Variants in SPATA17 observed in about 807,000 individuals in gnomAD.
SPATA17 encodes spermatogenesis associated 17.
SPATA17 carries 53 observed loss-of-function variants against 62.2 expected under a neutral mutation model. That is an observed-to-expected ratio of 0.85 (90% CI 0.68 to 1.07). SPATA17 has a LOEUF of 1.07. Among genes scored for constraint, SPATA17 ranks in the 50% least tolerant of loss-of-function variants. The probability of loss-of-function intolerance (pLI) is 0.00; values close to 1 mark genes in which losing one functional copy is unlikely to be tolerated. For synonymous variants in SPATA17, 146 were observed against 146.8 expected (o/e 0.99, Z 0.04); for missense variants, 466 against 425.5 (o/e 1.10, Z -0.84).
chr1:217,839,968 G>C (rs1278943675), intron 9 of SPATA17, among the ~76,000 whole-genome samples: 2 of 151,712 alleles, frequency 1.3e-5, no homozygotes, highest in Non-Finnish European at 2.9e-5. Context: ...TAAACCTGAA[G>C]TGCAACTCGG....
intron 7 of SPATA17, among the ~76,000 whole-genome samples, chr1:217,776,017 T>C (rs2102973056): frequency 6.6e-6 from 1 of 152,314 alleles, no homozygotes; most frequent in Non-Finnish European, 1.5e-5. Flanking sequence ...GAATTTAACC[T>C]CTCATTTGAT....
chr1:217,770,265 G>T (rs116217519), intron 6 of SPATA17, among the ~76,000 whole-genome samples: 2,682 of 152,264 alleles, frequency 0.018, 88 homozygotes, highest in African/African-American at 0.061. Context: ...CAAGAGGCAA[G>T]AAAATAGTTT....
chr1:217,861,717 C>A (rs1675901271), intron 9 of SPATA17, among the ~76,000 whole-genome samples: 1 of 152,120 alleles, frequency 6.6e-6, no homozygotes, highest in Non-Finnish European at 1.5e-5. Context: ...GGATTTCATT[C>A]ATATTAATTA....
chr1:217,688,777 T>A (rs1375758091), intron 5 of SPATA17, among the ~76,000 whole-genome samples: 2 of 152,186 alleles, frequency 1.3e-5, no homozygotes, highest in East Asian at 3.8e-4. Context: ...ATGCCTTCTG[T>A]CTTATGGTAT....
intron 1 of SPATA17, among the ~76,000 whole-genome samples, chr1:217,644,603 T>G (rs1484259613): frequency 2.0e-5 from 3 of 152,136 alleles, no homozygotes; most frequent in Non-Finnish European, 4.4e-5. Flanking sequence ...GCATATTTTT[T>G]GCATATTACT....
rs931551904 is a variant in SPATA17, at chr1:217,871,188, T to A, written c.*4169T>A. On this transcript the variant is annotated 3_prime_UTR_variant, in exon 11 of 11. Transcript: ENST00000366933. Reference sequence around the variant, plus strand: ...TAAATAATCTTTCATATCTGTAAACTTTGGTATAATTGGTTATTTATGCAA... The same window carrying A: ...TAAATAATCTTTCATATCTGTAAACATTGGTATAATTGGTTATTTATGCAA... 6.6e-6 allele frequency: 1 copy of A among 152,160 alleles called. No homozygotes were observed. Among genetic ancestry groups the A allele is most frequent in the Non-Finnish European group, 1.5e-5 (1 of 68,030 alleles). The allele number at this position is 152,160 out of a possible 1,614,324, so 9.4% of individuals were successfully genotyped here. A position where few individuals can be genotyped will look rare whatever the true frequency, so the allele number is the denominator to read the frequency against.
intron 7 of SPATA17, among the ~76,000 whole-genome samples, chr1:217,776,031 A>G (rs959675022): frequency 3.9e-5 from 6 of 152,272 alleles, no homozygotes; most frequent in East Asian, 1.9e-4. Flanking sequence ...ATTTGATGCT[A>G]TATGTCTTTA....
In SPATA17 at chr1:217,768,172, G is replaced by A. The variant is rs577646652; in HGVS notation, c.520-6162G>A. Among the ~76,000 whole-genome samples, 4 of 152,168 alleles carry A rather than the reference G, an allele frequency of 2.6e-5. No individual in the cohort carries two copies. The South Asian group carries it at 6.2e-4, about 24-fold the overall frequency. On this transcript the variant is annotated intron_variant, in intron 6 of 10. Coordinates refer to ENST00000366933, the MANE Select transcript of SPATA17 (RefSeq NM_138796.4). ...AGGCAGGGTAATCACTTGAACCAGG[G>A]AGGCGGAGGTTGCAGTGAGCCGAGA...
At chr1:217,757,635 G>A (rs1308282704) in intron 6 of SPATA17, among the ~76,000 whole-genome samples, 1 of 152,112 alleles carries the variant, frequency 6.6e-6, no homozygotes, top group African/African-American at 2.4e-5. Context: ...AGATTTGTAG[G>A]GTTGGCAAGG....
At chr1:217,852,760 T>G (rs1312048944) in intron 9 of SPATA17, among the ~76,000 whole-genome samples, 1 of 152,180 alleles carries the variant, frequency 6.6e-6, no homozygotes, top group Non-Finnish European at 1.5e-5. Flanking sequence ...GATCCTAGTG[T>G]TACAGTGACA....
chr1:217,645,721 G>T (rs745332090), intron 1 of SPATA17, among the ~76,000 whole-genome samples: 13 of 152,126 alleles, frequency 8.5e-5, no homozygotes, highest in South Asian at 2.1e-4. Flanking sequence ...TTATGTTGTT[G>T]TATCTTTTCC....
intron 9 of SPATA17, among the ~76,000 whole-genome samples, chr1:217,838,792 T>C (rs1341656224): frequency 3.3e-5 from 5 of 152,096 alleles, no homozygotes; most frequent in African/African-American, 1.2e-4. Context: ...TTTCTAAATA[T>C]GTAGGTAAAA....
chr1:217,747,002 C>G (rs1178450925), intron 6 of SPATA17, among the ~76,000 whole-genome samples: 1 of 151,912 alleles, frequency 6.6e-6, no homozygotes, highest in African/African-American at 2.4e-5. Context: ...CCAGAAAATA[C>G]TATTTGTTAT....
chr1:217,745,105 C>A (rs1435878484), intron 6 of SPATA17, among the ~76,000 whole-genome samples: 2 of 152,068 alleles, frequency 1.3e-5, no homozygotes, highest in African/African-American at 4.8e-5. Flanking sequence ...ATACTGGTGT[C>A]CCCCACCTCC....
intron 9 of SPATA17, among the ~76,000 whole-genome samples, chr1:217,837,731 A>G (rs1675293816): frequency 6.6e-6 from 1 of 151,662 alleles, no homozygotes; most frequent in South Asian, 2.1e-4. Context: ...CATTATCTTC[A>G]CTGATTTTGG....
At chr1:217,781,597 G>C (rs1011432975) in intron 7 of SPATA17, among the ~76,000 whole-genome samples, 38 of 152,076 alleles carry the variant, frequency 2.5e-4, no homozygotes, top group Non-Finnish European at 3.5e-4. Context: ...TGGTATCAGA[G>C]TAATTGAACA....
chr1:217,836,074 C>T (rs1299143586), intron 9 of SPATA17, among the ~76,000 whole-genome samples: 1 of 152,086 alleles, frequency 6.6e-6, no homozygotes, highest in Non-Finnish European at 1.5e-5. Flanking sequence ...AACCTAGGAA[C>T]CTTCAAGGAG....
chr1:217,648,223 G>A (rs1670233980), intron 1 of SPATA17, among the ~76,000 whole-genome samples: 1 of 151,996 alleles, frequency 6.6e-6, no homozygotes, highest in African/African-American at 2.4e-5. Flanking sequence ...ATATTGTTTT[G>A]TGTGGTTTTT....
intron 9 of SPATA17, among the ~76,000 whole-genome samples, chr1:217,824,697 T>C (rs528710504): frequency 3.3e-5 from 5 of 151,004 alleles, no homozygotes; most frequent in African/African-American, 1.2e-4. Context: ...TATATATATT[T>C]TATAATGTGT....
Sources: gnomAD v4.1 joint callset for allele counts (sites outside exome capture counted in the v4.1 genomes callset) on GRCh38, gnomAD v4.1.1 for gene constraint, MANE v1.5 for transcripts, NCBI Gene and HGNC (gene_info 2026-07-23, HGNC 2026-07-21) for gene names.